LRP12: variants seen among roughly 807,000 people sequenced by gnomAD.
LRP12 encodes low-density lipoprotein receptor-related protein 12.
In LRP12, 14 loss-of-function variants were observed where a neutral mutation model predicts 66.0. The observed-to-expected ratio is 0.21, with a 90% CI of 0.14 to 0.33. LRP12 has a LOEUF of 0.33. LRP12 is among the 10% of genes least tolerant of loss of function. LRP12 has a pLI of 1.00. For missense variants in LRP12, 889 were observed against 1,053.4 expected (o/e 0.84, Z 2.16); for synonymous variants, 357 against 359.1 (o/e 0.99, Z 0.07).
chr8:104,549,062 T>C (rs1811686630), intron 1 of LRP12, among the ~76,000 whole-genome samples: 1 of 152,164 alleles, frequency 6.6e-6, no homozygotes, highest in Non-Finnish European at 1.5e-5. Context: ...CCCATCTCTT[T>C]GCTTCAACTT....
chr8:104,521,008 C>A (rs1218633166), intron 2 of LRP12, among the ~76,000 whole-genome samples: 1 of 152,052 alleles, frequency 6.6e-6, no homozygotes, highest in East Asian at 1.9e-4. Flanking sequence ...TGTCACAATA[C>A]AACCTGTTCT....
At chr8:104,580,455 G>A (rs6988526) in intron 1 of LRP12, among the ~76,000 whole-genome samples, 36,498 of 151,216 alleles carry the variant, frequency 0.24, 4,484 homozygotes, top group Middle Eastern at 0.31. Context: ...GCATGAACCC[G>A]CGAGGCGGGG....
chr8:104,495,065 A>C lies in LRP12; in HGVS notation c.1713+12T>G. 6.2e-7 allele frequency: 1 copy of C among 1,609,758 alleles called. No homozygotes were observed. The highest frequency in any genetic ancestry group is 8.5e-7 in the Non-Finnish European group (1 of 1,177,784). ...AGAGGAAATGTAATAGAAATTACACATTGCAATATACCTGATTAGGTGAAC... is the reference window on the plus strand; with the variant it reads ...AGAGGAAATGTAATAGAAATTACACCTTGCAATATACCTGATTAGGTGAAC... On this transcript the variant is annotated intron_variant, in intron 6 of 6. Coordinates refer to ENST00000276654, the MANE Select transcript of LRP12 (RefSeq NM_013437.5).
chr8:104,563,367 T>TA (rs2140888657), intron 1 of LRP12, among the ~76,000 whole-genome samples: 1 of 152,214 alleles, frequency 6.6e-6, no homozygotes, highest in South Asian at 2.1e-4. Context: ...TCAGATATGG[T>TA]AAATAAGTTG....
rs1227772215 is a variant in LRP12 at position 104,508,706 on chromosome 8, A to G, written c.272+233T>C. ...ATATTTTGTTAAAAAGTAGCTTAGAAGAATATAGATGATTCAATGCAAATA... is the reference window on the plus strand; with the variant it reads ...ATATTTTGTTAAAAAGTAGCTTAGAGGAATATAGATGATTCAATGCAAATA... On this transcript the variant is annotated intron_variant, in intron 3 of 6. Coordinates refer to ENST00000276654, the MANE Select transcript of LRP12 (RefSeq NM_013437.5). The G allele has an allele frequency of 2.7e-5, 10 of 370,826 alleles. No homozygotes were observed. In the East Asian group the frequency reaches 4.1e-4, roughly 15 times the overall value. 23.0% of individuals were successfully genotyped at this position (370,826 alleles called of 1,614,324 possible).
At chr8:104,514,057 G>A (rs939225320) in intron 2 of LRP12, among the ~76,000 whole-genome samples, 2 of 152,086 alleles carry the variant, frequency 1.3e-5, no homozygotes, top group African/African-American at 4.8e-5. Context: ...TACTACAGGC[G>A]TTTTCAAGAA....
In LRP12 at chr8:104,547,752, A is replaced by G. The variant is rs543594063; in HGVS notation, c.80-15789T>C. Among the ~76,000 whole-genome samples the G allele has an allele frequency of 8.6e-5, 11 of 127,842 alleles. No homozygotes were observed. In the South Asian group the frequency reaches 1.4e-3, roughly 16 times the overall value. The allele number at this position is 127,842 out of a possible 152,430, so 83.9% of individuals were successfully genotyped here. Reference sequence around the variant, plus strand: ...TTTTGTATATAATATATAATCATATATAATATATAATTCTATATTATATTT... The same window carrying G: ...TTTTGTATATAATATATAATCATATGTAATATATAATTCTATATTATATTT... On this transcript the variant is annotated intron_variant, in intron 1 of 6. Transcript: ENST00000276654.
chr8:104,532,009 C>A, intron 1 of LRP12, 46 bp from the exon 2 acceptor site: 3 of 1,329,324 alleles, frequency 2.3e-6, no homozygotes, highest in South Asian at 1.4e-5. Context: ...GATAAAATTA[C>A]AAAATTTTTT....
At chr8:104,496,472 C>T (rs959729267) in intron 5 of LRP12, among the ~76,000 whole-genome samples, 4 of 152,138 alleles carry the variant, frequency 2.6e-5, no homozygotes, top group Admixed American at 6.6e-5. Context: ...CATTAGATTA[C>T]GTATTTTTGA....
At position 104,499,393 on chromosome 8, in the gene LRP12, T is replaced by C; in HGVS notation, c.399A>G (p.Ser133=). 6.2e-7 allele frequency: 1 copy of C among 1,613,884 alleles called. No homozygotes were observed. The change falls in exon 4 of 7, where the codon TCA becomes TCG. Residue 133 remains serine (S), a synonymous_variant. Coordinates refer to ENST00000276654, the MANE Select transcript of LRP12 (RefSeq NM_013437.5). ...GAAACCTAATCCAGATGTGGTCTTG[T>C]GAAGAGATATACGGAGGTGGAATTG... ...GSTIPPPYIS[S]QDHIWIRFHS... is the part of the protein sequence containing the mutation.
At chr8:104,534,744 TGAA>T (rs958345254) in intron 1 of LRP12, among the ~76,000 whole-genome samples, 2 of 151,938 alleles carry the variant, frequency 1.3e-5, no homozygotes, top group African/African-American at 2.4e-5. Context: ...GAACATCACT[TGAA>T]GAAGTGGGCT....
At chr8:104,555,197 AAAACACAATGAAATATCACAATG>A (rs1320403376) in intron 1 of LRP12, among the ~76,000 whole-genome samples, 2 of 152,216 alleles carry the variant, frequency 1.3e-5, no homozygotes, top group Non-Finnish European at 2.9e-5. Flanking sequence ...AAGGACCTAT[AAAACACAATGAAATATCACAATG>A]AAACACAATG....
At chr8:104,551,994 T>C (rs1811732625) in intron 1 of LRP12, among the ~76,000 whole-genome samples, 1 of 152,184 alleles carries the variant, frequency 6.6e-6, no homozygotes, top group African/African-American at 2.4e-5. Context: ...CATATGATAC[T>C]GTAAGTAAGA....
chr8:104,587,528 A>G (rs1205586695), intron 1 of LRP12, among the ~76,000 whole-genome samples: 3 of 152,192 alleles, frequency 2.0e-5, no homozygotes, highest in African/African-American at 7.2e-5. Flanking sequence ...AAACAAAAAT[A>G]CTACTAATCA....
chr8:104,498,598 A>C (rs889204054), intron 4 of LRP12, among the ~76,000 whole-genome samples: 3 of 152,156 alleles, frequency 2.0e-5, no homozygotes, highest in African/African-American at 7.2e-5. Flanking sequence ...CATGGTGTAT[A>C]TGTACCAACA....
At chr8:104,574,663 C>A (rs1216731956) in intron 1 of LRP12, among the ~76,000 whole-genome samples, 1 of 152,088 alleles carries the variant, frequency 6.6e-6, no homozygotes, top group East Asian at 1.9e-4. Context: ...TTGAGATGGG[C>A]TGTAAGTATA....
In LRP12 at chr8:104,588,854, G is replaced by T. The variant is rs1171456385; in HGVS notation, c.44C>A (p.Ser15Tyr). 2.5e-6 allele frequency: 4 copies of T among 1,612,446 alleles called. No homozygotes were observed. Among genetic ancestry groups the T allele is most frequent in the South Asian group, 2.2e-5 (2 of 90,638 alleles). ...WSTKESPRWR[S>Y]ALLLLFLAGV... ...AGCGAGGAAAAGCAAGAGCAACGCAGACCTCCACCGCGGAGACTCTTTTGT... is the reference window on the plus strand; with the variant it reads ...AGCGAGGAAAAGCAAGAGCAACGCATACCTCCACCGCGGAGACTCTTTTGT... Residue 15 changes from serine (S) to tyrosine (Y), a missense_variant, in exon 1 of 7, where the codon TCT becomes TAT. Ser to Tyr is a moderately radical substitution (Grantham distance 144). This residue lies in a region of LRP12 where 88 missense variants were observed against 72.5 expected (regional missense o/e 1.21). Transcript: ENST00000276654.
intron 1 of LRP12, among the ~76,000 whole-genome samples, chr8:104,580,491 C>A (rs1342627802): frequency 6.6e-6 from 1 of 151,480 alleles, no homozygotes; most frequent in Non-Finnish European, 1.5e-5. Flanking sequence ...GATTGTGCCA[C>A]TGCACTCCAG....
intron 1 of LRP12, among the ~76,000 whole-genome samples, chr8:104,544,730 T>G (rs1374666519): frequency 1.3e-5 from 2 of 152,044 alleles, no homozygotes; most frequent in Non-Finnish European, 2.9e-5. Context: ...GACCATCCGC[T>G]CAGAAAAAAA....
Sources: gnomAD v4.1 joint callset for allele counts (sites outside exome capture counted in the v4.1 genomes callset) on GRCh38, gnomAD v4.1.1 for gene constraint, gnomAD v4.1.1 regional missense constraint, MANE v1.5 for transcripts, NCBI Gene and HGNC (gene_info 2026-07-23, HGNC 2026-07-21) for gene names.